Variants in PDE4D observed in about 807,000 individuals in gnomAD.
The protein encoded by PDE4D is phosphodiesterase 4D.
Under a neutral mutation model 87.4 loss-of-function variants are expected in PDE4D, and 24 were observed. That is an observed-to-expected ratio of 0.27 (90% confidence interval 0.20 to 0.39). The LOEUF (loss-of-function observed/expected upper bound fraction) is 0.39, where lower values mean the gene tolerates loss of function less well. Among genes scored for constraint, PDE4D ranks in the 10% least tolerant of loss-of-function variants. The pLI is 1.00. For synonymous variants in PDE4D, 384 were observed against 383.2 expected (o/e 1.00, Z -0.02); for missense variants, 714 against 1,041.0 (o/e 0.69, Z 4.32).
Position 60,001,104 on chromosome 5 carries a change from TC to T in PDE4D, c.43-12388del, listed in dbSNP as rs1289230027. Among the ~76,000 whole-genome samples, 7 of 152,178 alleles carry T rather than the reference TC, an allele frequency of 4.6e-5. No individual in the cohort carries two copies. In the South Asian group the frequency reaches 1.5e-3, roughly 32 times the overall value. ...AAGCAGCAGTGACTTAGTTCCAAGC[TC>T]TCTCATGTTGATCTGGGGACGGTTC... On this transcript the variant is annotated intron_variant, in intron 2 of 16. Coordinates refer to the PDE4D transcript ENST00000502484.
intron 1 of PDE4D, among the ~76,000 whole-genome samples, chr5:59,232,071 G>A (rs566109732): frequency 4.6e-5 from 7 of 152,228 alleles, no homozygotes; most frequent in South Asian, 2.1e-4. Flanking sequence ...ATTTACACCC[G>A]TGCTTCACTT....
intron 2 of PDE4D, among the ~76,000 whole-genome samples, chr5:60,134,432 G>A (rs1464275606): frequency 2.6e-5 from 4 of 152,168 alleles, no homozygotes; most frequent in South Asian, 2.1e-4. Flanking sequence ...TTGAGACTGC[G>A]AGTTTAAGGC....
intron 5 of PDE4D, 73 bp from the exon 6 acceptor site, chr5:59,039,044 C>T: frequency 6.6e-7 from 1 of 1,524,420 alleles, no homozygotes; most frequent in East Asian, 2.5e-5. Flanking sequence ...TCAAAGGGGG[C>T]CATCCTGCCA....
intron 1 of PDE4D, among the ~76,000 whole-genome samples, chr5:59,812,765 A>G (rs1768511537): frequency 1.3e-5 from 2 of 152,230 alleles, no homozygotes; most frequent in Non-Finnish European, 2.9e-5. Context: ...CCTACAGCCA[A>G]TGCAATGTTA....
intron 1 of PDE4D, among the ~76,000 whole-genome samples, chr5:60,249,913 A>G (rs1475005520): frequency 6.6e-6 from 1 of 152,060 alleles, no homozygotes; most frequent in Non-Finnish European, 1.5e-5. Flanking sequence ...CTGATATTAA[A>G]TGCATTTATG....
intron 1 of PDE4D, among the ~76,000 whole-genome samples, chr5:59,267,916 T>G (rs2153539295): frequency 6.6e-6 from 1 of 152,156 alleles, no homozygotes; most frequent in South Asian, 2.1e-4. Context: ...GCAGAAATTC[T>G]TAGGGCTGAG....
intron 1 of PDE4D, among the ~76,000 whole-genome samples, chr5:59,312,174 T>C (rs1313064038): frequency 1.3e-5 from 2 of 152,194 alleles, no homozygotes; most frequent in Admixed American, 6.5e-5. Flanking sequence ...GTACGACTTT[T>C]GACAACTTAG....
intron 1 of PDE4D, among the ~76,000 whole-genome samples, chr5:60,428,977 A>G (rs1477404188): frequency 2.0e-5 from 3 of 152,234 alleles, no homozygotes; most frequent in African/African-American, 7.2e-5. Flanking sequence ...GTGACAATAC[A>G]TCCAGTTTAC....
chr5:60,054,918 A>G (rs1249033869), intron 2 of PDE4D, among the ~76,000 whole-genome samples: 2 of 152,172 alleles, frequency 1.3e-5, no homozygotes. Context: ...ATCTCTAATT[A>G]TAAAATGTCT....
chr5:59,598,780 C>T (rs566860197), intron 1 of PDE4D, among the ~76,000 whole-genome samples: 4 of 152,222 alleles, frequency 2.6e-5, no homozygotes, highest in Admixed American at 1.3e-4. Flanking sequence ...AAGGACATTA[C>T]TATTAATACT....
intron 1 of PDE4D, among the ~76,000 whole-genome samples, chr5:60,401,369 G>A (rs927890945): frequency 1.3e-5 from 2 of 152,120 alleles, no homozygotes; most frequent in African/African-American, 2.4e-5. Context: ...TAGAAAAAGG[G>A]CAAATGATGA....
In PDE4D at chr5:59,399,473, C is replaced by A. The variant is rs1420608149; in HGVS notation, c.456-183505G>T. 1.3e-3 allele frequency among the ~76,000 whole-genome samples: 173 copies of A among 136,914 alleles called. 10 individuals are homozygous for A. The highest frequency in any genetic ancestry group is 4.3e-3 in the African/African-American group (168 of 38,994). The allele number at this position is 136,914 out of a possible 152,430, so 89.8% of individuals were successfully genotyped here. A position where few individuals can be genotyped will look rare whatever the true frequency, so the allele number is the denominator to read the frequency against. On this transcript the variant is annotated intron_variant, in intron 1 of 14. Transcript: ENST00000340635. The stretch of plus-strand genomic sequence containing the variant: ...CTTTGACAAACCTGAGAAAAACAAG[C>A]AATGGGGAAAGGATTCCCTATTTAA...
intron 1 of PDE4D, among the ~76,000 whole-genome samples, chr5:59,518,057 G>A (rs556725145): frequency 6.6e-6 from 1 of 152,246 alleles, no homozygotes; most frequent in African/African-American, 2.4e-5. Context: ...ATTCCAGTCA[G>A]TATTTTTAGC....
chr5:60,234,676 A>G (rs1213858519), intron 1 of PDE4D, among the ~76,000 whole-genome samples: 1 of 151,812 alleles, frequency 6.6e-6, no homozygotes, highest in African/African-American at 2.4e-5. Flanking sequence ...TGGGCCTGGG[A>G]CTTTCTTTGT....
chr5:60,333,594 A>G (rs13171028), intron 1 of PDE4D, among the ~76,000 whole-genome samples: 38,815 of 152,108 alleles, frequency 0.26, 5,419 homozygotes, highest in East Asian at 0.48. Flanking sequence ...TGTGGCCTGA[A>G]CAAAGTATTA....
rs1242151582 is a variant in PDE4D, at chr5:59,768,193, G to C, written c.455+124975C>G. The C allele has an allele frequency of 2.5e-6, 4 of 1,582,592 alleles. No individual in the cohort carries two copies. In the African/African-American group the frequency reaches 4.0e-5, roughly 16 times the overall value. On this transcript the variant is annotated intron_variant, in intron 1 of 14. Coordinates refer to ENST00000340635, the MANE Select transcript of PDE4D (RefSeq NM_001104631.2). ...CCCCAAAATTAAAGGCGCGAGAGCA[G>C]GACTCCCTGAAGGGAAACGGCCACC...
chr5:59,481,579 G>A (rs1804261891), intron 1 of PDE4D, among the ~76,000 whole-genome samples: 1 of 152,004 alleles, frequency 6.6e-6, no homozygotes, highest in Admixed American at 6.6e-5. Flanking sequence ...TTTGGGTGGT[G>A]GTAAGGAAAG....
chr5:59,689,250 T>A (rs2150395627), intron 1 of PDE4D, among the ~76,000 whole-genome samples: 1 of 152,244 alleles, frequency 6.6e-6, no homozygotes, highest in South Asian at 2.1e-4. Context: ...TACCAAAGCC[T>A]GGCAGAGACA....
intron 1 of PDE4D, among the ~76,000 whole-genome samples, chr5:60,404,763 C>G (rs954389074): frequency 6.6e-6 from 1 of 152,192 alleles, no homozygotes; most frequent in Non-Finnish European, 1.5e-5. Context: ...AATTTCTAGA[C>G]AAACGCTTAA....
Sources: allele counts gnomAD v4.1 joint callset (sites outside exome capture counted in the v4.1 genomes callset), GRCh38; gene constraint gnomAD v4.1.1; transcripts MANE v1.5; gene names NCBI Gene and HGNC (gene_info 2026-07-23, HGNC 2026-07-21).